The following DGKI variants were observed in gnomAD, a reference collection of about 807,000 sequenced individuals.
The protein encoded by DGKI is diacylglycerol kinase iota.
Under a neutral mutation model 147.5 loss-of-function variants are expected in DGKI, and 55 were observed. That is an observed-to-expected ratio of 0.37 (90% CI 0.30 to 0.47). The LOEUF (loss-of-function observed/expected upper bound fraction) is 0.47. Ranked by LOEUF, DGKI falls within the 20% of genes least tolerant of loss-of-function variation. The pLI, the probability that DGKI is intolerant of heterozygous loss-of-function variation, is 1.00. For missense variants in DGKI, 1,007 were observed against 1,323.8 expected, an observed-to-expected ratio of 0.76 and a Z score of 3.71; for synonymous variants, 469 against 477.1, an observed-to-expected ratio of 0.98 and a Z score of 0.22.
intron 21 of DGKI, among the ~76,000 whole-genome samples, chr7:137,511,560 C>T (rs1206141270): frequency 6.6e-6 from 1 of 152,236 alleles, no homozygotes; most frequent in East Asian, 1.9e-4. Context: ...AGCTAGCACT[C>T]ACTGAAGCTG....
At chr7:137,810,368 A>C (rs992602127) in intron 1 of DGKI, among the ~76,000 whole-genome samples, 2 of 152,332 alleles carry the variant, frequency 1.3e-5, no homozygotes, top group African/African-American at 2.4e-5. Context: ...CAGAAAAAAA[A>C]ATTAAGGAAA....
intron 21 of DGKI, among the ~76,000 whole-genome samples, chr7:137,517,392 G>GGAGAAAGAGA (rs1198630722): frequency 1.5e-5 from 2 of 131,140 alleles, no homozygotes; most frequent in East Asian, 5.1e-4. Context: ...CGGGAGGGAG[G>GGAGAAAGAGA]GAGAAAGAGA....
intron 20 of DGKI, among the ~76,000 whole-genome samples, chr7:137,550,376 G>A (rs834052): frequency 0.11 from 16,614 of 151,984 alleles, 2,043 homozygotes; most frequent in African/African-American, 0.3. Flanking sequence ...GGGTTTTGCC[G>A]TGTTGACCAG....
chr7:137,744,939 T>C lies in DGKI; in HGVS notation c.402-54937A>G, dbSNP rs901996210. Among the ~76,000 whole-genome samples, 34 of 152,288 alleles carry C rather than the reference T, an allele frequency of 2.2e-4. No homozygotes were observed. In the East Asian group the frequency reaches 3.9e-3, roughly 17 times the overall value. ...GACAAACTCACAGCCAACATCATGC[T>C]GAATGTGCAAAAGTTGGAAGCATTC... is the stretch of plus-strand genomic sequence containing the variant. On this transcript the variant is annotated intron_variant, in intron 1 of 32. Transcript: ENST00000614521.
chr7:137,633,393 G>T (rs1821203907), intron 6 of DGKI, among the ~76,000 whole-genome samples: 1 of 152,144 alleles, frequency 6.6e-6, no homozygotes, highest in African/African-American at 2.4e-5. Flanking sequence ...GTAAGAGGAA[G>T]CCCAAGTGAA....
rs1372589598 is a variant in DGKI, at chr7:137,395,581, CT to C, written c.3057+16del. On this transcript the variant is annotated intron_variant, in intron 32 of 32. Transcript: ENST00000614521. ...CTCGCCCAGCGGGAGGATGTTTGCA[CT>C]CACTCATCGAGTTACCTTGGAGTCC... 2 of 1,609,486 alleles carry C rather than the reference CT, an allele frequency of 1.2e-6. No individual in the cohort carries two copies. The highest frequency in any genetic ancestry group is 8.5e-7 in the Non-Finnish European group (1 of 1,175,894).
chr7:137,616,891 C>A (rs550023179), intron 8 of DGKI, among the ~76,000 whole-genome samples: 1 of 151,182 alleles, frequency 6.6e-6, no homozygotes, highest in South Asian at 2.2e-4. Context: ...AAAATCATAG[C>A]TAAAAAGAGT....
At chr7:137,405,339 G>A (rs1013971210) in intron 30 of DGKI, among the ~76,000 whole-genome samples, 4 of 152,028 alleles carry the variant, frequency 2.6e-5, no homozygotes, top group Non-Finnish European at 5.9e-5. Flanking sequence ...ACACCTCCTG[G>A]GCTCAAGCAA....
intron 1 of DGKI, among the ~76,000 whole-genome samples, chr7:137,762,686 C>T (rs530160520): frequency 6.6e-6 from 1 of 152,290 alleles, no homozygotes; most frequent in African/African-American, 2.4e-5. Flanking sequence ...TCTCCTTGCT[C>T]GGTTCAATAG....
At position 137,826,012 on chromosome 7, in the gene DGKI, A is replaced by C. The variant is rs531086419; in HGVS notation, c.401+20450T>G. Among the ~76,000 whole-genome samples, 225 of 152,328 alleles carry C rather than the reference A, an allele frequency of 1.5e-3. 2 individuals carry two copies. Among genetic ancestry groups the C allele is most frequent in the African/African-American group, 5.1e-3 (214 of 41,572 alleles). ...GCTTAGTAGTCTCCACATTATTAACAATTGGATTTAGTTGAAAAATCAAGT... is the reference window on the plus strand; with the variant it reads ...GCTTAGTAGTCTCCACATTATTAACCATTGGATTTAGTTGAAAAATCAAGT... On this transcript the variant is annotated intron_variant, in intron 1 of 32. Coordinates refer to ENST00000614521, the MANE Select transcript of DGKI (RefSeq NM_001321708.2).
intron 19 of DGKI, among the ~76,000 whole-genome samples, chr7:137,558,406 TG>T (rs1310186475): frequency 2.0e-5 from 3 of 152,210 alleles, no homozygotes; most frequent in Non-Finnish European, 4.4e-5. Context: ...CCTGAGTAGC[TG>T]GGACTACAGG....
intron 21 of DGKI, among the ~76,000 whole-genome samples, chr7:137,501,530 T>C (rs1392985732): frequency 6.6e-6 from 1 of 152,152 alleles, no homozygotes; most frequent in Non-Finnish European, 1.5e-5. Context: ...GTTGGTATGA[T>C]GCAAAAGACA....
chr7:137,798,565 G>A lies in DGKI; in HGVS notation c.401+47897C>T, dbSNP rs190393087. The stretch of plus-strand genomic sequence containing the variant: ...GCCTCCTGAGTAGCTGGCCACAGGT[G>A]TGCACCATCACGCCTAGCTAATTTT... On this transcript the variant is annotated intron_variant, in intron 1 of 32. Coordinates refer to ENST00000614521, the MANE Select transcript of DGKI (RefSeq NM_001321708.2). Among the ~76,000 whole-genome samples the A allele has an allele frequency of 2.7e-3, 411 of 152,174 alleles. 2 individuals carry two copies. Among genetic ancestry groups the A allele is most frequent in the African/African-American group, 9.0e-3 (374 of 41,508 alleles).
chr7:137,528,383 G>A lies in DGKI; in HGVS notation c.2148-6417C>T, dbSNP rs530604167. On this transcript the variant is annotated intron_variant, in intron 20 of 32. Transcript: ENST00000614521. ...CTGTTCTTCAATTAAATAATGCCTC[G>A]GAAATCTGAAACACATTGTACAGAA... Among the ~76,000 whole-genome samples the A allele has an allele frequency of 5.3e-5, 8 of 152,192 alleles. No individual in the cohort carries two copies. In the South Asian group the frequency reaches 1.0e-3, roughly 20 times the overall value.
chr7:137,752,346 G>A (rs550825807), intron 1 of DGKI, among the ~76,000 whole-genome samples: 1 of 152,254 alleles, frequency 6.6e-6, no homozygotes, highest in Admixed American at 6.5e-5. Flanking sequence ...TCTACAAAGA[G>A]GGAAAAGGAA....
At chr7:137,435,455 G>A (rs549436945) in intron 28 of DGKI, among the ~76,000 whole-genome samples, 181 of 152,176 alleles carry the variant, frequency 1.2e-3, no homozygotes, top group Non-Finnish European at 2.3e-3. Flanking sequence ...GATGGTAGGA[G>A]GTGACAGAAA....
chr7:137,643,879 G>A (rs1349205876), intron 6 of DGKI, among the ~76,000 whole-genome samples: 2 of 152,156 alleles, frequency 1.3e-5, no homozygotes, highest in Non-Finnish European at 2.9e-5. Flanking sequence ...GGTGGTGCCA[G>A]CTACTGGGCT....
At chr7:137,567,245 C>A in intron 19 of DGKI, among the ~76,000 whole-genome samples, 1 of 139,066 alleles carries the variant, frequency 7.2e-6, no homozygotes, top group African/African-American at 2.9e-5. Flanking sequence ...GCCTGGGCAA[C>A]AAGAGCAAAA....
chr7:137,783,169 A>G (rs903353168), intron 1 of DGKI, among the ~76,000 whole-genome samples: 1 of 152,228 alleles, frequency 6.6e-6, no homozygotes, highest in Non-Finnish European at 1.5e-5. Context: ...AAGGCCGACT[A>G]TTAAGCTAAT....
Sources: allele counts gnomAD v4.1 joint callset (sites outside exome capture counted in the v4.1 genomes callset), GRCh38; gene constraint gnomAD v4.1.1; transcripts MANE v1.5; gene names NCBI Gene and HGNC (gene_info 2026-07-23, HGNC 2026-07-21).